Variants in ARID1B observed in about 807,000 individuals in gnomAD.
ARID1B encodes AT-rich interactive domain-containing protein 1B.
A neutral mutation model predicts 212.3 loss-of-function variants in ARID1B; 30 were observed. That is an observed-to-expected ratio of 0.14 (90% confidence interval 0.11 to 0.19). The LOEUF (loss-of-function observed/expected upper bound fraction) is 0.19. Ranked by LOEUF, ARID1B falls within the 10% of genes least tolerant of loss-of-function variation. ARID1B has a pLI of 1.00. For synonymous variants in ARID1B, 1,402 were observed against 1,301.7 expected (o/e 1.08, Z -1.66); for missense variants, 2,891 against 3,204.0 (o/e 0.90, Z 2.36).
At chr6:157,011,291 TC>T (rs1779591785) in intron 4 of ARID1B, among the ~76,000 whole-genome samples, 1 of 152,248 alleles carries the variant, frequency 6.6e-6, no homozygotes, top group South Asian at 2.1e-4. Flanking sequence ...ATTTTGTAGT[TC>T]CTTCAAGCTC....
chr6:156,886,750 TTAA>T (rs1276838243), intron 2 of ARID1B, among the ~76,000 whole-genome samples: 1 of 152,236 alleles, frequency 6.6e-6, no homozygotes, highest in Non-Finnish European at 1.5e-5. Flanking sequence ...AAAGTAGTTC[TTAA>T]TAATGTGTAA....
At chr6:157,005,226 T>G (rs1299454027) in intron 4 of ARID1B, among the ~76,000 whole-genome samples, 1 of 152,108 alleles carries the variant, frequency 6.6e-6, no homozygotes, top group Non-Finnish European at 1.5e-5. Context: ...GGATCTTGGC[T>G]CATTGCTACC....
chr6:157,056,860 G>A (rs1302906139), intron 4 of ARID1B, among the ~76,000 whole-genome samples: 5 of 132,720 alleles, frequency 3.8e-5, no homozygotes, highest in Non-Finnish European at 6.7e-5. Flanking sequence ...AACTTTTTTT[G>A]TTAAAACTTT....
intron 4 of ARID1B, among the ~76,000 whole-genome samples, chr6:156,983,070 G>A (rs1440967432): frequency 6.6e-6 from 1 of 151,240 alleles, no homozygotes; most frequent in Non-Finnish European, 1.5e-5. Context: ...ACTCCAGTCC[G>A]GGCAACAGAG....
rs144252627 is a variant in ARID1B, at chr6:156,977,091, CAAAAAAA to C, written c.2247+41526_2247+41532del. 4.0e-5 allele frequency: 6 copies of C among 149,148 alleles called. No individual in the cohort carries two copies. In the East Asian group the frequency reaches 6.0e-4, roughly 15 times the overall value. 9.2% of individuals were successfully genotyped at this position (149,148 alleles called of 1,614,324 possible). ...TTTCTAGGGATGTAATACATATTTA[CAAAAAAA>C]AAAAAAAAAAGATTTTTCTCTCTCC... On this transcript the variant is annotated intron_variant, in intron 4 of 19. Transcript: ENST00000636930.
intron 1 of ARID1B, among the ~76,000 whole-genome samples, chr6:156,824,630 T>C (rs12190812): frequency 0.18 from 27,498 of 151,830 alleles, 2,749 homozygotes; most frequent in Middle Eastern, 0.22. Context: ...CTGGGTGTGG[T>C]GGTATGTGCC....
intron 6 of ARID1B, among the ~76,000 whole-genome samples, chr6:157,125,681 T>G (rs1788088138): frequency 6.6e-6 from 1 of 152,206 alleles, no homozygotes; most frequent in Non-Finnish European, 1.5e-5. Context: ...CTGTGCTGCT[T>G]TTATTCTCCA....
chr6:157,086,290 G>A (rs902650373), intron 5 of ARID1B, among the ~76,000 whole-genome samples: 5 of 152,120 alleles, frequency 3.3e-5, no homozygotes, highest in Non-Finnish European at 7.4e-5. Context: ...AAAGCATTTC[G>A]ATGTTATCTT....
chr6:157,105,197 A>G (rs1197145437), intron 5 of ARID1B, among the ~76,000 whole-genome samples: 1 of 152,228 alleles, frequency 6.6e-6, no homozygotes, highest in Non-Finnish European at 1.5e-5. Context: ...GGAGATGGAA[A>G]AAAAACATGT....
intron 3 of ARID1B, among the ~76,000 whole-genome samples, chr6:156,931,190 CAAAA>C (rs11309121): frequency 0.042 from 3,760 of 90,242 alleles, 97 homozygotes; most frequent in African/African-American, 0.12. Context: ...GACTCAGTCT[CAAAA>C]AAAAAAAAAA....
chr6:157,039,743 C>CCCTTCCTTCCTT (rs71027322), intron 4 of ARID1B, among the ~76,000 whole-genome samples: 1 of 92,022 alleles, frequency 1.1e-5, no homozygotes, highest in East Asian at 4.5e-4. Context: ...CTCCCTCCCT[C>CCCTTCCTTCCTT]CCTTCCTTCC....
intron 4 of ARID1B, among the ~76,000 whole-genome samples, chr6:156,969,022 G>A (rs992596497): frequency 3.9e-5 from 6 of 152,194 alleles, no homozygotes; most frequent in Non-Finnish European, 7.3e-5. Flanking sequence ...TGAAAAGGAT[G>A]GCTCACTTCC....
intron 5 of ARID1B, among the ~76,000 whole-genome samples, chr6:157,097,081 T>G (rs1785692690): frequency 6.6e-6 from 1 of 152,230 alleles, no homozygotes; most frequent in South Asian, 2.1e-4. Context: ...TCTCGTTCTT[T>G]ACTTTTAAAA....
chr6:157,184,782 A>AGTGGCCAGT lies in ARID1B; in HGVS notation c.3919+348_3919+356dup, dbSNP rs577986674. ...CCTCTACACAAAATAAAGATCCCCCAGTGGCCAGTTTGAATACATGTGCAC... is the reference window on the plus strand; with the variant it reads ...CCTCTACACAAAATAAAGATCCCCCAGTGGCCAGTGTGGCCAGTTTGAATACATGTGCAC... On this transcript the variant is annotated intron_variant, in intron 13 of 19. Coordinates refer to ENST00000636930, the MANE Select transcript of ARID1B (RefSeq NM_001374828.1). 1.4e-3 allele frequency: 471 copies of AGTGGCCAGT among 325,792 alleles called. 6 individuals are homozygous for AGTGGCCAGT. Among genetic ancestry groups the AGTGGCCAGT allele is most frequent in the African/African-American group, 9.5e-3 (440 of 46,404 alleles). 20.2% of individuals were successfully genotyped at this position (325,792 alleles called of 1,614,324 possible).
chr6:157,091,371 C>CT (rs767682651), intron 5 of ARID1B, among the ~76,000 whole-genome samples: 24 of 152,150 alleles, frequency 1.6e-4, no homozygotes, highest in Non-Finnish European at 3.4e-4. Flanking sequence ...AGTGCTCACC[C>CT]AGTCCCACCC....
intron 8 of ARID1B, chr6:157,166,072 T>C (rs1223832698): frequency 2.6e-5 from 4 of 152,156 alleles, no homozygotes; most frequent in African/African-American, 9.7e-5. Context: ...TTTTTAAAGG[T>C]ATGCTCTTTA....
intron 3 of ARID1B, among the ~76,000 whole-genome samples, chr6:156,922,305 TG>T (rs1023441662): frequency 1.7e-4 from 26 of 152,058 alleles, no homozygotes; most frequent in African/African-American, 6.3e-4. Flanking sequence ...CCCAAGTAGC[TG>T]GGGTTACAGG....
At chr6:156,887,499 C>T (rs541865762) in intron 2 of ARID1B, among the ~76,000 whole-genome samples, 3 of 152,178 alleles carry the variant, frequency 2.0e-5, no homozygotes, top group Non-Finnish European at 4.4e-5. Context: ...AAAGTATCTT[C>T]ATGGAACACT....
intron 5 of ARID1B, chr6:157,107,826 G>C (rs903776770): frequency 1.3e-5 from 2 of 152,040 alleles, no homozygotes; most frequent in Non-Finnish European, 2.9e-5. Context: ...TTGTTTAAGA[G>C]GTTTTACTTG....
Sources: allele counts gnomAD v4.1 joint callset (sites outside exome capture counted in the v4.1 genomes callset), GRCh38; gene constraint gnomAD v4.1.1; transcripts MANE v1.5; gene names NCBI Gene and HGNC (gene_info 2026-07-23, HGNC 2026-07-21).